TVP23A: variants seen among roughly 807,000 people sequenced by gnomAD.
The protein encoded by TVP23A is Golgi apparatus membrane protein TVP23 homolog A.
In TVP23A, 21 loss-of-function variants were observed where a neutral mutation model predicts 31.7. The ratio of observed to expected loss-of-function variants is 0.66; its 90% CI spans 0.47 to 0.95. TVP23A has a LOEUF of 0.95. Ranked by LOEUF, TVP23A falls within the 40% of genes least tolerant of loss-of-function variation. The probability of loss-of-function intolerance (pLI) is 0.00; values close to 1 mark genes in which losing one functional copy is unlikely to be tolerated. For synonymous variants in TVP23A, 104 were observed against 96.0 expected (o/e 1.08, Z -0.49); for missense variants, 279 against 255.6 (o/e 1.09, Z -0.62).
chr16:10,802,586 T>C (rs2033754454), intron 2 of TVP23A, among the ~76,000 whole-genome samples: 1 of 152,138 alleles, frequency 6.6e-6, no homozygotes, highest in African/African-American at 2.4e-5. Context: ...GTCCAATTAG[T>C]GAATCTTGGT....
At chr16:10,786,456 C>T (rs1459547831) in intron 2 of TVP23A, among the ~76,000 whole-genome samples, 1 of 152,062 alleles carries the variant, frequency 6.6e-6, no homozygotes, top group Non-Finnish European at 1.5e-5. Flanking sequence ...ATACCCTTTA[C>T]TTTGAAAACT....
At chr16:10,763,191 C>T (rs1339701202), downstream of TVP23A, among the ~76,000 whole-genome samples, 3 of 151,950 alleles carry the variant, frequency 2.0e-5, no homozygotes, top group Non-Finnish European at 4.4e-5. Flanking sequence ...CTCGGGGGCT[C>T]AGGTTGTCAG....
chr16:10,786,471 TCCTTTTTTTAAGC>T (rs1417952874), intron 2 of TVP23A, among the ~76,000 whole-genome samples: 1 of 152,064 alleles, frequency 6.6e-6, no homozygotes, highest in Non-Finnish European at 1.5e-5. Context: ...AAAACTGTAC[TCCTTTTTTTAAGC>T]CCATCTCCAA....
At chr16:10,810,307 G>C (rs1488129024) in intron 2 of TVP23A, among the ~76,000 whole-genome samples, 1 of 152,106 alleles carries the variant, frequency 6.6e-6, no homozygotes, top group Non-Finnish European at 1.5e-5. Context: ...CCAGCACTTT[G>C]AGAGGCCAAG....
chr16:10,771,027 T>C (rs752638349), intron 6 of TVP23A, among the ~76,000 whole-genome samples: 7 of 151,796 alleles, frequency 4.6e-5, no homozygotes, highest in Non-Finnish European at 8.8e-5. Context: ...GTCAAACCAA[T>C]AGATACAGAA....
chr16:10,793,670 G>C (rs1216104302), intron 2 of TVP23A, among the ~76,000 whole-genome samples: 1 of 151,950 alleles, frequency 6.6e-6, no homozygotes, highest in Non-Finnish European at 1.5e-5. Flanking sequence ...CAAGGTGGGA[G>C]GATCACTTGA....
chr16:10,800,982 C>A (rs765733950), intron 2 of TVP23A, among the ~76,000 whole-genome samples: 1 of 152,252 alleles, frequency 6.6e-6, no homozygotes, highest in Non-Finnish European at 1.5e-5. Flanking sequence ...CAGAGCAAGA[C>A]CCTGTCTCAA....
chr16:10,790,288 T>TA (rs1442868094), intron 2 of TVP23A, among the ~76,000 whole-genome samples: 1 of 147,276 alleles, frequency 6.8e-6, no homozygotes, highest in African/African-American at 2.5e-5. Context: ...AATTTTTTTT[T>TA]TTTTTTTTTT....
chr16:10,771,738 T>TA lies in TVP23A; in HGVS notation c.513dup (p.Lys172Ter). ...CCAATGTCACTGTTGCCTCCCATCT[T>TA]ACAAAGGATGTAGCCATACAGGTTT... On this transcript the variant is annotated frameshift_variant, in exon 6 of 8. Coordinates refer to ENST00000299866, the MANE Select transcript of TVP23A (RefSeq NM_001079512.4). LOFTEE classifies it high-confidence loss of function. 6.2e-7 allele frequency: 1 copy of TA among 1,609,954 alleles called. No homozygotes were observed. Among genetic ancestry groups the TA allele is most frequent in the African/African-American group, 1.3e-5 (1 of 74,862 alleles).
intron 2 of TVP23A, among the ~76,000 whole-genome samples, chr16:10,811,029 A>G (rs1210721017): frequency 6.6e-6 from 1 of 152,084 alleles, no homozygotes; most frequent in African/African-American, 2.4e-5. Context: ...CATTTACATG[A>G]AATGTCCGGA....
rs778372738 is a variant in TVP23A, at chr16:10,779,825, C to T, written c.90-4729G>A. The stretch of plus-strand genomic sequence containing the variant: ...GTGATTGGCCGGGGGCGGTGGCTCA[C>T]GCCTGTAATCCCCAGCCCTTTGGGA... On this transcript the variant is annotated intron_variant, in intron 2 of 7. Transcript: ENST00000299866. The surrounding 1 kb of genome is among the most constrained non-coding windows in gnomAD (Gnocchi z 4.9). 5.9e-5 allele frequency among the ~76,000 whole-genome samples: 9 copies of T among 152,222 alleles called. No homozygotes were observed. Among genetic ancestry groups the T allele is most frequent in the East Asian group, 1.9e-4 (1 of 5,198 alleles).
intron 2 of TVP23A, among the ~76,000 whole-genome samples, chr16:10,786,297 G>A (rs374555706): frequency 2.6e-5 from 4 of 152,282 alleles, no homozygotes; most frequent in East Asian, 3.9e-4. Context: ...CCTGTGGCCA[G>A]GTGCAGTGGC....
At chr16:10,799,779 G>C (rs1201079775) in intron 2 of TVP23A, among the ~76,000 whole-genome samples, 1 of 152,208 alleles carries the variant, frequency 6.6e-6, no homozygotes, top group East Asian at 1.9e-4. Context: ...TTGGGGGTGA[G>C]TGGATGAGAC....
intron 2 of TVP23A, 57 bp from the exon 3 acceptor site, chr16:10,775,153 A>T: frequency 6.4e-7 from 1 of 1,557,390 alleles, no homozygotes; most frequent in Non-Finnish European, 8.7e-7. Flanking sequence ...TGGTCACTGA[A>T]CTCCCTTTAC....
chr16:10,769,211 G>T, intron 7 of TVP23A, 110 bp from the exon 8 acceptor site: 1 of 942,884 alleles, frequency 1.1e-6, no homozygotes, highest in Non-Finnish European at 1.7e-6. Context: ...CACAGCAAAA[G>T]GACCAGATGC....
downstream of TVP23A, among the ~76,000 whole-genome samples, chr16:10,760,205 G>C (rs554011827): frequency 4.6e-5 from 7 of 152,386 alleles, no homozygotes; most frequent in East Asian, 1.3e-3. Context: ...TAAAGGGCCA[G>C]ATAGGAAGTA....
intron 2 of TVP23A, among the ~76,000 whole-genome samples, chr16:10,797,224 T>C (rs2033437973): frequency 6.6e-6 from 1 of 151,842 alleles, no homozygotes. Flanking sequence ...AAAATTCTAT[T>C]GTAGTTTTAT....
rs552357808 is a variant in TVP23A at position 10,768,169 on chromosome 16, G to A, written c.*933C>T. The stretch of plus-strand genomic sequence containing the variant: ...GTGGCCCCCATAGCCGAGGAAGCCA[G>A]GAGTCCATGAGAAATCTCTCAATGT... On this transcript the variant is annotated 3_prime_UTR_variant, in exon 8 of 8. Coordinates refer to ENST00000299866, the MANE Select transcript of TVP23A (RefSeq NM_001079512.4). The surrounding 1 kb of genome is among the most constrained non-coding windows in gnomAD (Gnocchi z 4.3). 5.9e-4 allele frequency: 397 copies of A among 676,370 alleles called. 1 individual carries two copies. The African/African-American group carries it at 6.7e-3, about 11-fold the overall frequency. The allele number at this position is 676,370 out of a possible 1,614,324, so 41.9% of individuals were successfully genotyped here. A position where few individuals can be genotyped will look rare whatever the true frequency, so the allele number is the denominator to read the frequency against.
In TVP23A at chr16:10,767,890, T is replaced by C; in HGVS notation, c.*1212A>G. The C allele has an allele frequency of 2.7e-6, 4 of 1,484,656 alleles. No homozygotes were observed. The highest frequency in any genetic ancestry group is 3.8e-6 in the Non-Finnish European group (4 of 1,062,418). 92.0% of individuals were successfully genotyped at this position (1,484,656 alleles called of 1,614,324 possible). On this transcript the variant is annotated 3_prime_UTR_variant, in exon 8 of 8. Transcript: ENST00000299866. This position sits in a 1 kb window ranked among gnomAD's most constrained non-coding sequence, Gnocchi z 4.6. ...CCAGCACGGAAAGAGCCCCAAGATC[T>C]TGTGGCCATTCTGTTTTCCTCTTGG...
Sources: allele counts gnomAD v4.1 joint callset (sites outside exome capture counted in the v4.1 genomes callset), GRCh38; gene constraint gnomAD v4.1.1; non-coding constraint Gnocchi (gnomAD v3.1); transcripts MANE v1.5; gene names NCBI Gene and HGNC (gene_info 2026-07-23, HGNC 2026-07-21).